TENM4: variants seen among roughly 807,000 people sequenced by gnomAD.
TENM4 encodes the protein teneurin transmembrane protein 4.
In TENM4, 82 loss-of-function variants were observed where a neutral mutation model predicts 243.3. The ratio of observed to expected loss-of-function variants is 0.34; its 90% CI spans 0.28 to 0.40. The LOEUF (loss-of-function observed/expected upper bound fraction) is 0.40. Ranked by LOEUF, TENM4 falls within the 10% of genes least tolerant of loss-of-function variation. TENM4 has a pLI of 1.00. For synonymous variants in TENM4, 1,412 were observed against 1,456.3 expected, an observed-to-expected ratio of 0.97 and a Z score of 0.69; for missense variants, 3,138 against 3,673.3, an observed-to-expected ratio of 0.85 and a Z score of 3.77.
chr11:78,696,772 C>A lies in TENM4; in HGVS notation c.5087+4754G>T, dbSNP rs529632906. ...CGTTCTCTAACTCCCTCCCAGCAGT[C>A]TTCTGCCCTTCACTGATGCTTTTAG... is the stretch of plus-strand genomic sequence containing the variant. On this transcript the variant is annotated intron_variant, in intron 28 of 33. Transcript: ENST00000278550. 5.3e-5 allele frequency among the ~76,000 whole-genome samples: 8 copies of A among 152,292 alleles called. No homozygotes were observed. The East Asian group carries it at 1.3e-3, about 26-fold the overall frequency.
intron 3 of TENM4, among the ~76,000 whole-genome samples, chr11:79,168,253 AC>A (rs544983080): frequency 9.8e-4 from 150 of 152,312 alleles, no homozygotes; most frequent in African/African-American, 3.3e-3. Flanking sequence ...GTGCTGGGGT[AC>A]AGAAACAAAT....
chr11:78,695,743 A>T (rs1224953695), intron 28 of TENM4, among the ~76,000 whole-genome samples: 1 of 149,872 alleles, frequency 6.7e-6, no homozygotes. Flanking sequence ...GTCTGCTGTA[A>T]TTCTTACCTT....
At position 78,973,582 on chromosome 11, in the gene TENM4, C is replaced by T. The variant is rs529393396; in HGVS notation, c.494-70059G>A. Among the ~76,000 whole-genome samples, 30 of 152,034 alleles carry T rather than the reference C, an allele frequency of 2.0e-4. 1 individual carries two copies. In the South Asian group the frequency reaches 6.0e-3, roughly 31 times the overall value. ...TTTTTCCCCAAGAATTTGTTTTGTG[C>T]TTACTCTGTCAGGCAGTGTTCTAGG... is the stretch of plus-strand genomic sequence containing the variant. On this transcript the variant is annotated intron_variant, in intron 6 of 33. Transcript: ENST00000278550.
chr11:78,879,200 G>T (rs904793699), intron 9 of TENM4, among the ~76,000 whole-genome samples: 1 of 141,454 alleles, frequency 7.1e-6, no homozygotes, highest in African/African-American at 2.7e-5. Flanking sequence ...CCGCCACCCC[G>T]TCTAGGAAGT....
chr11:79,136,583 C>T (rs1043771619), intron 4 of TENM4, among the ~76,000 whole-genome samples: 8 of 152,094 alleles, frequency 5.3e-5, no homozygotes, highest in Non-Finnish European at 7.4e-5. Flanking sequence ...TACCTAGTGG[C>T]GGGTTGATTA....
intron 9 of TENM4, among the ~76,000 whole-genome samples, chr11:78,869,438 C>A (rs1591085348): frequency 6.7e-6 from 1 of 149,774 alleles, no homozygotes; most frequent in Non-Finnish European, 1.5e-5. Flanking sequence ...TTTCCAAACT[C>A]ATTTTAGTGC....
chr11:78,914,837 C>T (rs898427332), intron 6 of TENM4, among the ~76,000 whole-genome samples: 11 of 152,230 alleles, frequency 7.2e-5, no homozygotes, highest in African/African-American at 2.4e-4. Flanking sequence ...ACTGCCACTA[C>T]GTTAGCTCAG....
At chr11:78,698,522 G>A (rs1021095309) in intron 28 of TENM4, among the ~76,000 whole-genome samples, 1 of 151,832 alleles carries the variant, frequency 6.6e-6, no homozygotes. Flanking sequence ...AGAACATTTC[G>A]GTTATAATCT....
chr11:78,974,377 T>C (rs1857606065), intron 6 of TENM4, among the ~76,000 whole-genome samples: 1 of 152,214 alleles, frequency 6.6e-6, no homozygotes, highest in Admixed American at 6.5e-5. Context: ...CCTCATTTTA[T>C]AGATAAAGAA....
rs1290931990 is a variant in TENM4 at position 79,376,430 on chromosome 11, C to G, written c.-321+64079G>C. Reference sequence around the variant, plus strand: ...GCTGCTCTGCTAAAGTGTCCTTTCTCTGTCTTGGGGCTACCTGCCTCACTC... The same window carrying G: ...GCTGCTCTGCTAAAGTGTCCTTTCTGTGTCTTGGGGCTACCTGCCTCACTC... On this transcript the variant is annotated intron_variant, in intron 1 of 33. Coordinates refer to ENST00000278550, the MANE Select transcript of TENM4 (RefSeq NM_001098816.3). Among the ~76,000 whole-genome samples, 3 of 152,216 alleles carry G rather than the reference C, an allele frequency of 2.0e-5. No homozygotes were observed. In the East Asian group the frequency reaches 5.8e-4, roughly 29 times the overall value.
At chr11:78,906,817 ATCTTC>A (rs990058684) in intron 6 of TENM4, among the ~76,000 whole-genome samples, 1 of 152,136 alleles carries the variant, frequency 6.6e-6, no homozygotes, top group African/African-American at 2.4e-5. Context: ...GAAAGTCCCT[ATCTTC>A]TCTTCTCTGT....
At chr11:78,766,825 C>T (rs1219752253) in intron 18 of TENM4, among the ~76,000 whole-genome samples, 1 of 151,616 alleles carries the variant, frequency 6.6e-6, no homozygotes, top group Non-Finnish European at 1.5e-5. Context: ...GCCTCAGCCT[C>T]CTAGGTAGCT....
intron 1 of TENM4, among the ~76,000 whole-genome samples, chr11:79,389,382 C>T (rs1006640154): frequency 6.6e-5 from 10 of 152,182 alleles, no homozygotes; most frequent in African/African-American, 2.2e-4. Context: ...GTTTCAAACT[C>T]CTGGCCTCAA....
In TENM4 at chr11:78,653,313, A is replaced by G. The variant is rs980392641; in HGVS notation, c.*4745T>C. On this transcript the variant is annotated 3_prime_UTR_variant, in exon 34 of 34. Coordinates refer to ENST00000278550, the MANE Select transcript of TENM4 (RefSeq NM_001098816.3). ...ACAAAATAGTCTTTATTTGTCAACG[A>G]AGGCTACACGGGATCACTTCTGGTT... 3 of 152,062 alleles carry G rather than the reference A, an allele frequency of 2.0e-5. No individual in the cohort carries two copies. Among genetic ancestry groups the G allele is most frequent in the African/African-American group, 7.2e-5 (3 of 41,400 alleles). 9.4% of individuals were successfully genotyped at this position (152,062 alleles called of 1,614,324 possible).
intron 6 of TENM4, among the ~76,000 whole-genome samples, chr11:79,004,389 C>T (rs926161047): frequency 3.3e-5 from 5 of 151,950 alleles, no homozygotes; most frequent in African/African-American, 4.8e-5. Flanking sequence ...ACACAATCAT[C>T]GGCAAATTAA....
rs772348827 is a variant in TENM4 at position 78,786,892 on chromosome 11, C to T, written c.2365+6G>A. On this transcript the variant is annotated splice_donor_region_variant and intron_variant, in intron 16 of 33. Transcript: ENST00000278550. ...GAAGGTACCCGGGGACCTCGGCCCG[C>T]CATACCGATGGTGCAGTGTTCGCCA... 3.7e-6 allele frequency: 6 copies of T among 1,605,674 alleles called. No homozygotes were observed. In the South Asian group the frequency reaches 6.7e-5, roughly 18 times the overall value.
chr11:79,419,222 C>T (rs914817734), intron 1 of TENM4, among the ~76,000 whole-genome samples: 1 of 152,202 alleles, frequency 6.6e-6, no homozygotes, highest in Non-Finnish European at 1.5e-5. Flanking sequence ...CCACTCCCAG[C>T]AAGTCATGGC....
intron 25 of TENM4, among the ~76,000 whole-genome samples, chr11:78,716,000 C>T (rs1051595572): frequency 6.6e-6 from 1 of 152,200 alleles, no homozygotes; most frequent in Non-Finnish European, 1.5e-5. Context: ...CCAGACACTG[C>T]GCTAGCACTT....
At chr11:79,286,499 C>CAA (rs59227835) in intron 2 of TENM4, among the ~76,000 whole-genome samples, 1 of 126,524 alleles carries the variant, frequency 7.9e-6, no homozygotes, top group African/African-American at 3.0e-5. Flanking sequence ...CTAAAAAATC[C>CAA]AAAAAAAAAA....
Sources: gnomAD v4.1 joint callset for allele counts (sites outside exome capture counted in the v4.1 genomes callset) on GRCh38, gnomAD v4.1.1 for gene constraint, MANE v1.5 for transcripts, NCBI Gene and HGNC (gene_info 2026-07-23, HGNC 2026-07-21) for gene names.